Variants in HMGCLL1 observed in about 807,000 individuals in gnomAD.
HMGCLL1 encodes the protein 3-hydroxy-3-methylglutaryl-CoA lyase like 1.
Under a neutral mutation model 39.1 loss-of-function variants are expected in HMGCLL1, and 36 were observed. The ratio of observed to expected loss-of-function variants is 0.92; its 90% CI spans 0.71 to 1.22. The LOEUF (loss-of-function observed/expected upper bound fraction) is 1.22. Ranked by LOEUF, HMGCLL1 falls within the 50% of genes most tolerant of loss-of-function variation. The probability of loss-of-function intolerance (pLI) is 0.00; values close to 1 mark genes in which losing one functional copy is unlikely to be tolerated. For missense variants in HMGCLL1, 451 were observed against 416.5 expected, an observed-to-expected ratio of 1.08 and a Z score of -0.72; for synonymous variants, 149 against 144.0, an observed-to-expected ratio of 1.03 and a Z score of -0.25.
At chr6:55,666,048 A>C in the HMGCLL1 span, among the ~76,000 whole-genome samples, 1 of 151,818 alleles carries the variant, frequency 6.6e-6, no homozygotes, top group East Asian at 1.9e-4. Context: ...GAAGTAACAG[A>C]GAGAGGCAGA....
chr6:55,632,641 G>A, the HMGCLL1 span, among the ~76,000 whole-genome samples: 3 of 151,338 alleles, frequency 2.0e-5, no homozygotes, highest in Admixed American at 6.6e-5. Context: ...TATTTTTAGG[G>A]GCCTACTTAT....
chr6:55,523,930 A>G (rs556329144), intron 3 of HMGCLL1, among the ~76,000 whole-genome samples: 1 of 152,116 alleles, frequency 6.6e-6, no homozygotes, highest in Admixed American at 6.6e-5. Context: ...TATATTCCAT[A>G]TAACAATTAT....
rs562332271 is a variant in HMGCLL1 at position 55,488,644 on chromosome 6, A to G, written c.795+6775T>C. Among the ~76,000 whole-genome samples, 4 of 152,192 alleles carry G rather than the reference A, an allele frequency of 2.6e-5. No homozygotes were observed. In the East Asian group the frequency reaches 7.7e-4, roughly 29 times the overall value. On this transcript the variant is annotated intron_variant, in intron 7 of 8. Transcript: ENST00000274901. The stretch of plus-strand genomic sequence containing the variant: ...GAGATTTTAAGTAAATGGAAAAAAA[A>G]CTGTCACTTCTAGAAGAGGGTTCCA...
chr6:55,527,527 T>C (rs1768386990), intron 3 of HMGCLL1, among the ~76,000 whole-genome samples: 1 of 152,048 alleles, frequency 6.6e-6, no homozygotes, highest in Admixed American at 6.6e-5. Context: ...CCCCATTTTG[T>C]GGTCTTGAAC....
chr6:55,652,785 T>A, the HMGCLL1 span, among the ~76,000 whole-genome samples: 1 of 152,114 alleles, frequency 6.6e-6, no homozygotes, highest in Non-Finnish European at 1.5e-5. Flanking sequence ...GCCTTTGTCT[T>A]TCTTTCTAGA....
the HMGCLL1 span, among the ~76,000 whole-genome samples, chr6:55,654,697 G>A: frequency 2.6e-5 from 4 of 151,912 alleles, no homozygotes; most frequent in African/African-American, 9.7e-5. Flanking sequence ...CTGGAAAACA[G>A]CAGGATAGCT....
At chr6:55,562,534 C>A (rs1319498120) in intron 1 of HMGCLL1, among the ~76,000 whole-genome samples, 1 of 152,096 alleles carries the variant, frequency 6.6e-6, no homozygotes, top group Admixed American at 6.6e-5. Context: ...GAACGGTCTC[C>A]TTTCAGTTCT....
At chr6:55,659,829 A>C in the HMGCLL1 span, among the ~76,000 whole-genome samples, 1 of 151,898 alleles carries the variant, frequency 6.6e-6, no homozygotes, top group African/African-American at 2.4e-5. Context: ...TAAAGTTACC[A>C]AAGTATTTCC....
the HMGCLL1 span, among the ~76,000 whole-genome samples, chr6:55,664,288 T>A: frequency 6.6e-6 from 1 of 151,822 alleles, no homozygotes. Context: ...TATTTAAGTA[T>A]GTTTCTGTAT....
chr6:55,616,461 C>A, the HMGCLL1 span, among the ~76,000 whole-genome samples: 1 of 152,096 alleles, frequency 6.6e-6, no homozygotes, highest in African/African-American at 2.4e-5. Context: ...ATGAGCTAAT[C>A]CAGAGAGATC....
At chr6:55,609,014 C>T in the HMGCLL1 span, among the ~76,000 whole-genome samples, 219 of 152,330 alleles carry the variant, frequency 1.4e-3, 2 homozygotes, top group Non-Finnish European at 2.4e-3. Flanking sequence ...GAGAGTGGTA[C>T]CCAGCCAGGG....
At chr6:55,626,874 A>C in the HMGCLL1 span, among the ~76,000 whole-genome samples, 1 of 151,894 alleles carries the variant, frequency 6.6e-6, no homozygotes, top group Non-Finnish European at 1.5e-5. Flanking sequence ...AAATCAGTTC[A>C]CTACTCAATG....
At chr6:55,632,456 TTA>T in the HMGCLL1 span, among the ~76,000 whole-genome samples, 1 of 150,812 alleles carries the variant, frequency 6.6e-6, no homozygotes, top group African/African-American at 2.4e-5. Context: ...TCATATAAAG[TTA>T]TATATATAAT....
the HMGCLL1 span, among the ~76,000 whole-genome samples, chr6:55,654,664 G>A: frequency 1.3e-5 from 2 of 151,806 alleles, no homozygotes; most frequent in Admixed American, 1.3e-4. Context: ...TCCTGATCAA[G>A]CACTTACTGT....
At chr6:55,473,951 G>T (rs1765166314) in intron 7 of HMGCLL1, among the ~76,000 whole-genome samples, 2 of 151,326 alleles carry the variant, frequency 1.3e-5, no homozygotes, top group Admixed American at 6.6e-5. Context: ...TGCTTTTGTG[G>T]TTTCTGAAGG....
At chr6:55,597,757 AAAAATGG>A in the HMGCLL1 span, among the ~76,000 whole-genome samples, 1 of 152,192 alleles carries the variant, frequency 6.6e-6, no homozygotes, top group Non-Finnish European at 1.5e-5. Flanking sequence ...GACAGTTTGT[AAAAATGG>A]AAAATGGAAA....
chr6:55,545,226 A>AGAAG (rs70986731), intron 1 of HMGCLL1, among the ~76,000 whole-genome samples: 4 of 143,146 alleles, frequency 2.8e-5, no homozygotes, highest in African/African-American at 7.8e-5. Context: ...AAAAAAAAAA[A>AGAAG]AAGAAGAAAA....
At chr6:55,627,922 A>AAATATATATATATAG in the HMGCLL1 span, among the ~76,000 whole-genome samples, 17 of 2,368 alleles carry the variant, frequency 7.2e-3, 4 homozygotes, top group African/African-American at 0.025. Context: ...TATATATATA[A>AAATATATATATATAG]TATATATACT....
intron 7 of HMGCLL1, among the ~76,000 whole-genome samples, 176 bp downstream of exon 7, chr6:55,495,242 TA>T (rs1251788066): frequency 1.2e-4 from 19 of 152,272 alleles, no homozygotes; most frequent in African/African-American, 4.3e-4. Context: ...TTCATTGCCC[TA>T]AAAAAATGTG....
Sources: allele counts gnomAD v4.1 joint callset (sites outside exome capture counted in the v4.1 genomes callset), GRCh38; gene constraint gnomAD v4.1.1; transcripts MANE v1.5; gene names NCBI Gene and HGNC (gene_info 2026-07-23, HGNC 2026-07-21).